COL17A1: variants seen among roughly 807,000 people sequenced by gnomAD.
The protein encoded by COL17A1 is collagen alpha-1(XVII) chain.
Under a neutral mutation model 218.4 loss-of-function variants are expected in COL17A1, and 181 were observed. The ratio of observed to expected loss-of-function variants is 0.83; its 90% CI spans 0.73 to 0.94. The LOEUF (loss-of-function observed/expected upper bound fraction) is 0.94. Ranked by LOEUF, COL17A1 falls within the 40% of genes least tolerant of loss-of-function variation. The pLI, the probability that COL17A1 is intolerant of heterozygous loss-of-function variation, is 0.00. For synonymous variants in COL17A1, 721 were observed against 731.0 expected (o/e 0.99, Z 0.22); for missense variants, 1,924 against 1,945.9 (o/e 0.99, Z 0.21).
At position 104,034,411 on chromosome 10, in the gene COL17A1, C is replaced by T. The variant is rs1589555011; in HGVS notation, c.3767-77G>A. 5 of 1,501,118 alleles carry T rather than the reference C, an allele frequency of 3.3e-6. No homozygotes were observed. The East Asian group carries it at 7.4e-5, about 22-fold the overall frequency. 93.0% of individuals were successfully genotyped at this position (1,501,118 alleles called of 1,614,324 possible). A position where few individuals can be genotyped will look rare whatever the true frequency, so the allele number is the denominator to read the frequency against. On this transcript the variant is annotated intron_variant, in intron 51 of 55. Coordinates refer to ENST00000648076, the MANE Select transcript of COL17A1 (RefSeq NM_000494.4). The stretch of plus-strand genomic sequence containing the variant: ...AGACTTGGGAGTTAGGGAGTCTCTC[C>T]CAGGGTGTCAATGCCCCTGAGAGAC...
chr10:104,074,511 T>C (rs981021269), intron 5 of COL17A1, among the ~76,000 whole-genome samples: 3 of 152,218 alleles, frequency 2.0e-5, no homozygotes, highest in Non-Finnish European at 4.4e-5. Flanking sequence ...GGTTTCTTTC[T>C]TTTTTGTTCA....
intron 22 of COL17A1, among the ~76,000 whole-genome samples, chr10:104,053,538 A>G (rs1302313949): frequency 2.6e-5 from 4 of 151,668 alleles, no homozygotes; most frequent in Admixed American, 1.3e-4. Flanking sequence ...TCTGCCTGGA[A>G]TGTTTTCCCT....
intron 40 of COL17A1, 25 bp downstream of exon 40, chr10:104,040,326 G>C: frequency 6.4e-7 from 1 of 1,557,040 alleles, no homozygotes; most frequent in East Asian, 2.2e-5. Context: ...ACTGGCTTCT[G>C]GGTTCCCTGA....
At chr10:104,070,659 C>G in intron 8 of COL17A1, 90 bp from the exon 9 acceptor site, 1 of 1,610,072 alleles carries the variant, frequency 6.2e-7, no homozygotes, top group Non-Finnish European at 8.5e-7. Flanking sequence ...GGCATTCTGA[C>G]TACTGGGGAG....
rs1318915210 is a variant in COL17A1 at position 104,034,002 on chromosome 10, A to C, written c.4099T>G (p.Phe1367Val). The C allele has an allele frequency of 6.2e-7, 1 of 1,614,050 alleles. No individual in the cohort carries two copies. Among genetic ancestry groups the C allele is most frequent in the Admixed American group, 1.7e-5 (1 of 60,010 alleles). The part of the protein sequence containing the change: ...AGNGGLLGAD[F>V]AGDLDYNELA... ...TCATTGTAATCCAGATCTCCAGCAA[A>C]GTCAGCTCCCAATAGTCCGCCATTG... The change falls in exon 52 of 56, where the codon TTT becomes GTT. Residue 1367 changes from phenylalanine to valine, a missense_variant. Phe to Val is a conservative substitution (Grantham distance 50, BLOSUM62 -1). Transcript: ENST00000648076.
In COL17A1 at chr10:104,033,380, A is replaced by G. The variant is rs1844716750; in HGVS notation, c.4157-5T>C. 1 of 1,609,884 alleles carries G rather than the reference A, an allele frequency of 6.2e-7. No homozygotes were observed. Among genetic ancestry groups the G allele is most frequent in the South Asian group, 1.1e-5 (1 of 90,056 alleles). Reference sequence around the variant, plus strand: ...TCCCTTGCAGTAGGCCCTGACCTGTAAAACACCAGAGCTTGGGCACAGGAA... The same window carrying G: ...TCCCTTGCAGTAGGCCCTGACCTGTGAAACACCAGAGCTTGGGCACAGGAA... On this transcript the variant is annotated splice_polypyrimidine_tract_variant and splice_region_variant and intron_variant, in intron 52 of 55. Coordinates refer to ENST00000648076, the MANE Select transcript of COL17A1 (RefSeq NM_000494.4).
chr10:104,050,614 G>T lies in COL17A1; in HGVS notation c.2128+7C>A, dbSNP rs1205661497. 3 of 1,613,072 alleles carry T rather than the reference G, an allele frequency of 1.9e-6. No homozygotes were observed. Among genetic ancestry groups the T allele is most frequent in the Non-Finnish European group, 2.5e-6 (3 of 1,180,028 alleles). ...TGGTAATGACAGAGCAGCAGTGAGT[G>T]GCATACCTTTGGGTCCTGGTGGTCC... On this transcript the variant is annotated splice_region_variant and intron_variant, in intron 27 of 55. Coordinates refer to ENST00000648076, the MANE Select transcript of COL17A1 (RefSeq NM_000494.4).
intron 8 of COL17A1, 48 bp downstream of exon 8, chr10:104,071,984 C>T (rs760631948): frequency 1.2e-6 from 2 of 1,613,594 alleles, no homozygotes; most frequent in East Asian, 2.2e-5. Flanking sequence ...ACAGCACTAG[C>T]CCTGGATTTC....
At chr10:104,054,340 A>T (rs2086498917) in intron 20 of COL17A1, among the ~76,000 whole-genome samples, 1 of 152,266 alleles carries the variant, frequency 6.6e-6, no homozygotes, top group Non-Finnish European at 1.5e-5. Flanking sequence ...TTTGTTGTTT[A>T]TCTTCAAAGT....
Position 104,050,834 on chromosome 10 carries a change from T to A in COL17A1, c.2092+14A>T. The A allele has an allele frequency of 6.2e-7, 1 of 1,613,970 alleles. No individual in the cohort carries two copies. The highest frequency in any genetic ancestry group is 8.5e-7 in the Non-Finnish European group (1 of 1,179,994). ...CAGACCCTCACTGTCCCCCCAGGCCTCCCTCCAGCTTACCTTTGACACCAG... is the reference window on the plus strand; with the variant it reads ...CAGACCCTCACTGTCCCCCCAGGCCACCCTCCAGCTTACCTTTGACACCAG... On this transcript the variant is annotated intron_variant, in intron 26 of 55. Transcript: ENST00000648076.
rs141512377 is a variant in COL17A1 at position 104,070,504 on chromosome 10, G to C, written c.529C>G (p.Arg177Gly). 1 of 1,614,074 alleles carries C rather than the reference G, an allele frequency of 6.2e-7. No homozygotes were observed. The highest frequency in any genetic ancestry group is 1.7e-5 in the Admixed American group (1 of 60,002). ...ATGGGGAGTGTGTTGGAGGAATTCCGGGTGGGGCTCACACTTGCCGATCGA... is the reference window on the plus strand; with the variant it reads ...ATGGGGAGTGTGTTGGAGGAATTCCCGGTGGGGCTCACACTTGCCGATCGA... ...GSRSASVSPT[R>G]NSSNTLPIPK... is the part of the protein sequence containing the mutation. Residue 177 changes from arginine (R) to glycine (G), a missense_variant, in exon 9 of 56, where the codon CGG (arginine) becomes GGG (glycine). Physicochemically the swap from Arg to Gly is moderately radical, Grantham distance 125 (BLOSUM62 -2). Transcript: ENST00000648076.
At chr10:104,055,452 AC>A (rs1218380167) in intron 18 of COL17A1, 51 bp from the exon 19 acceptor site, 1 of 1,427,238 alleles carries the variant, frequency 7.0e-7, no homozygotes, top group African/African-American at 1.4e-5. Flanking sequence ...TGTCACACAC[AC>A]ACACACACAC....
At chr10:104,080,200 T>G (rs2086752727) in intron 2 of COL17A1, among the ~76,000 whole-genome samples, 1 of 152,212 alleles carries the variant, frequency 6.6e-6, no homozygotes, top group Admixed American at 6.5e-5. Context: ...GAATTTATTA[T>G]TTGGGCAGTT....
At position 104,034,250 on chromosome 10, in the gene COL17A1, G is replaced by A. The variant is rs377068542; in HGVS notation, c.3851C>T (p.Thr1284Met). Reference sequence around the variant, plus strand: ...GCTACCCCGACTGTGGGAGGCATCCGTGGACAGGAGGCGGCTGTCCCCAGG... The same window carrying A: ...GCTACCCCGACTGTGGGAGGCATCCATGGACAGGAGGCGGCTGTCCCCAGG... ...GPPGDSRLLSTDASHSRGSSS... is the reference protein window; with the variant it reads ...GPPGDSRLLSMDASHSRGSSS... Residue 1284 changes from threonine to methionine, a missense_variant, in exon 52 of 56, where the codon ACG becomes ATG. Transcript: ENST00000648076. 12 of 1,608,894 alleles carry A rather than the reference G, an allele frequency of 7.5e-6. No individual in the cohort carries two copies. Among genetic ancestry groups the A allele is most frequent in the African/African-American group, 4.0e-5 (3 of 74,848 alleles).
In COL17A1 at chr10:104,036,552, C is replaced by T; in HGVS notation, c.3358G>A (p.Gly1120Arg). 1 of 1,614,004 alleles carries T rather than the reference C, an allele frequency of 6.2e-7. No individual in the cohort carries two copies. Among genetic ancestry groups the T allele is most frequent in the East Asian group, 2.2e-5 (1 of 44,876 alleles). Residue 1120 changes from glycine to arginine, a missense_variant, in exon 48 of 56, where the codon GGG becomes AGG. Physicochemically the swap from Gly to Arg is moderately radical, Grantham distance 125. Coordinates refer to ENST00000648076, the MANE Select transcript of COL17A1 (RefSeq NM_000494.4). The part of the protein sequence containing the change: ...PPGPPGASGD[G>R]SLLSLDYAEL... Reference sequence around the variant, plus strand: ...GCATAGTCCAAAGACAGGAGGGACCCATCTCCACTGGCTCCTGGTGGCCCT... The same window carrying T: ...GCATAGTCCAAAGACAGGAGGGACCTATCTCCACTGGCTCCTGGTGGCCCT...
rs1458573108 is a variant in COL17A1, at chr10:104,050,092, T to C, written c.2161A>G (p.Thr721Ala). ...TAGATTCCCATGACAGACTGACCTG[T>C]GAGGCCTCGAGGTCCTTTCTCACCC... ...DQGEKGPRGL[T>A]GEPGMRGLPG... Residue 721 changes from threonine (T) to alanine (A), a missense_variant, in exon 28 of 56, where the codon ACA (threonine) becomes GCA (alanine). Physicochemically the swap from Thr to Ala is moderately conservative, Grantham distance 58. Coordinates refer to ENST00000648076, the MANE Select transcript of COL17A1 (RefSeq NM_000494.4). 6.2e-7 allele frequency: 1 copy of C among 1,614,130 alleles called. No individual in the cohort carries two copies. Among genetic ancestry groups the C allele is most frequent in the Non-Finnish European group, 8.5e-7 (1 of 1,180,004 alleles).
chr10:104,041,516 G>C lies in COL17A1; in HGVS notation c.2574C>G (p.Pro858=). 6.2e-7 allele frequency: 1 copy of C among 1,613,514 alleles called. No homozygotes were observed. The highest frequency in any genetic ancestry group is 8.5e-7 in the Non-Finnish European group (1 of 1,179,454). Residue 858 remains proline, a synonymous_variant, in exon 37 of 56, where the codon CCC becomes CCG. Coordinates refer to ENST00000648076, the MANE Select transcript of COL17A1 (RefSeq NM_000494.4). ...GHQEVLNLQG[P]PGPPGPRGPP... is the part of the protein sequence containing the mutation. Reference sequence around the variant, plus strand: ...GCCCGCGTGGGCCGGGTGGGCCTGGGGGACCTTGTAAATTAAGAACTTCTA... The same window carrying C: ...GCCCGCGTGGGCCGGGTGGGCCTGGCGGACCTTGTAAATTAAGAACTTCTA...
chr10:104,073,493 T>G (rs759180996), intron 6 of COL17A1, among the ~76,000 whole-genome samples: 4 of 152,152 alleles, frequency 2.6e-5, no homozygotes, highest in Non-Finnish European at 4.4e-5. Context: ...AGCTAACATT[T>G]TGAATGTTAA....
At position 104,080,629 on chromosome 10, in the gene COL17A1, A is replaced by C; in HGVS notation, c.45T>G (p.Thr15=). ...AAATTCTGATGCTCTTACTTCTCTC[A>C]GTGACTTCAGTTCCATCTCGTTTGT... ...KKNKRDGTEV[T]ERIVTETVTT... Residue 15 remains threonine, a synonymous_variant, in exon 2 of 56, where the codon ACT becomes ACG. Transcript: ENST00000648076. 1 of 1,612,986 alleles carries C rather than the reference A, an allele frequency of 6.2e-7. No individual in the cohort carries two copies. Among genetic ancestry groups the C allele is most frequent in the African/African-American group, 1.3e-5 (1 of 75,052 alleles).
Sources: gnomAD v4.1 joint callset for allele counts (sites outside exome capture counted in the v4.1 genomes callset) on GRCh38, gnomAD v4.1.1 for gene constraint, MANE v1.5 for transcripts, NCBI Gene and HGNC (gene_info 2026-07-23, HGNC 2026-07-21) for gene names.